UBTD1: variants seen among roughly 807,000 people sequenced by gnomAD.
UBTD1 encodes ubiquitin domain-containing protein 1.
A neutral mutation model predicts 21.7 loss-of-function variants in UBTD1; 19 were observed. That is an observed-to-expected ratio of 0.87 (90% CI 0.61 to 1.28). The LOEUF (loss-of-function observed/expected upper bound fraction) is 1.28, where lower values mean the gene tolerates loss of function less well. Among genes scored for constraint, UBTD1 ranks in the 50% most tolerant of loss-of-function variants. UBTD1 has a pLI of 0.00. For missense variants in UBTD1, 282 were observed against 315.1 expected (o/e 0.89, Z 0.80); for synonymous variants, 116 against 135.1 (o/e 0.86, Z 0.98).
intron 1 of UBTD1, among the ~76,000 whole-genome samples, chr10:97,526,534 C>T (rs2040489364): frequency 6.6e-6 from 1 of 152,164 alleles, no homozygotes; most frequent in South Asian, 2.1e-4. Context: ...ATGCAGCAGC[C>T]TCTTAACTGA....
chr10:97,568,428 T>A (rs1589885955), intron 2 of UBTD1, among the ~76,000 whole-genome samples: 1 of 152,184 alleles, frequency 6.6e-6, no homozygotes, highest in African/African-American at 2.4e-5. Flanking sequence ...TATTTTATTT[T>A]TTTTTTTGAG....
chr10:97,505,314 A>G (rs1272499475), intron 1 of UBTD1, among the ~76,000 whole-genome samples: 1 of 152,232 alleles, frequency 6.6e-6, no homozygotes, highest in African/African-American at 2.4e-5. Context: ...TGCAACCTAC[A>G]TAAAAACTGC....
intron 1 of UBTD1, among the ~76,000 whole-genome samples, chr10:97,505,886 G>A (rs1369018834): frequency 6.6e-6 from 1 of 152,170 alleles, no homozygotes; most frequent in Non-Finnish European, 1.5e-5. Flanking sequence ...CTAGATCATT[G>A]AAGCTTACTC....
chr10:97,522,044 G>C (rs1001489260), intron 1 of UBTD1, among the ~76,000 whole-genome samples: 7 of 152,196 alleles, frequency 4.6e-5, no homozygotes, highest in Non-Finnish European at 5.9e-5. Flanking sequence ...CTATAGATGG[G>C]AGCCCTTCCG....
At chr10:97,523,294 A>C (rs748691410) in intron 1 of UBTD1, among the ~76,000 whole-genome samples, 2 of 152,204 alleles carry the variant, frequency 1.3e-5, no homozygotes, top group African/African-American at 2.4e-5. Context: ...CAGGTCAACA[A>C]GGTGGCCATC....
intron 1 of UBTD1, among the ~76,000 whole-genome samples, chr10:97,505,818 A>C (rs923155401): frequency 6.6e-6 from 1 of 152,184 alleles, no homozygotes; most frequent in Non-Finnish European, 1.5e-5. Flanking sequence ...GAAAGTTTCT[A>C]TTATTCCAAG....
At chr10:97,529,565 C>T (rs1165366501) in intron 1 of UBTD1, among the ~76,000 whole-genome samples, 2 of 150,920 alleles carry the variant, frequency 1.3e-5, no homozygotes, top group African/African-American at 4.9e-5. Context: ...AGCTGGAGAC[C>T]AGCCCGGCCA....
intron 1 of UBTD1, among the ~76,000 whole-genome samples, chr10:97,536,932 A>G (rs2040565334): frequency 6.6e-6 from 1 of 152,080 alleles, no homozygotes; most frequent in African/African-American, 2.4e-5. Flanking sequence ...GGGAGAGACC[A>G]GGGCCCTCCC....
At chr10:97,527,701 G>A (rs568532158) in intron 1 of UBTD1, among the ~76,000 whole-genome samples, 2,847 of 152,030 alleles carry the variant, frequency 0.019, 101 homozygotes, top group African/African-American at 0.065. Context: ...AGCACATCTT[G>A]CACCACCCTT....
intron 1 of UBTD1, among the ~76,000 whole-genome samples, chr10:97,512,515 A>C (rs2040427217): frequency 6.6e-6 from 1 of 152,212 alleles, no homozygotes; most frequent in East Asian, 1.9e-4. Context: ...ATAAGGCCCA[A>C]ATGACATTTC....
intron 1 of UBTD1, among the ~76,000 whole-genome samples, chr10:97,556,465 G>A (rs915193951): frequency 6.6e-6 from 1 of 152,206 alleles, no homozygotes; most frequent in Admixed American, 6.5e-5. Context: ...GGTTTTATTA[G>A]TAATAATTTC....
intron 1 of UBTD1, among the ~76,000 whole-genome samples, chr10:97,529,718 A>G (rs1008226813): frequency 6.7e-6 from 1 of 148,552 alleles, no homozygotes; most frequent in African/African-American, 2.4e-5. Flanking sequence ...TCGGCTCGGC[A>G]TGAGAGGGAG....
intron 1 of UBTD1, among the ~76,000 whole-genome samples, chr10:97,525,023 C>T (rs2040482147): frequency 6.6e-6 from 1 of 152,196 alleles, no homozygotes; most frequent in African/African-American, 2.4e-5. Context: ...CTAACAGCCT[C>T]ACTACAGAAG....
At chr10:97,523,832 C>T (rs1339042453) in intron 1 of UBTD1, among the ~76,000 whole-genome samples, 3 of 152,006 alleles carry the variant, frequency 2.0e-5, no homozygotes, top group African/African-American at 4.8e-5. Context: ...TCTGTGGCCT[C>T]GTGAGACTGC....
chr10:97,553,758 A>C (rs1242352413), intron 1 of UBTD1, among the ~76,000 whole-genome samples: 10 of 151,796 alleles, frequency 6.6e-5, no homozygotes, highest in Non-Finnish European at 1.2e-4. Flanking sequence ...GCTTACATTA[A>C]CCCTGCCTGC....
At chr10:97,546,284 G>T (rs912165248) in intron 1 of UBTD1, among the ~76,000 whole-genome samples, 1 of 152,036 alleles carries the variant, frequency 6.6e-6, no homozygotes, top group Admixed American at 6.6e-5. Flanking sequence ...GCCTAGGTGT[G>T]TGTTTCTGTC....
In UBTD1 at chr10:97,524,074, G is replaced by A. The variant is rs116814862; in HGVS notation, c.70+24801G>A. On this transcript the variant is annotated intron_variant, in intron 1 of 2. Coordinates refer to ENST00000370664, the MANE Select transcript of UBTD1 (RefSeq NM_024954.5). ...GGCTTTTAAACCTGCCATGGGCTCC[G>A]AGGCTGCCCTCCCACCCTGATCACA... Among the ~76,000 whole-genome samples, 855 of 152,214 alleles carry A rather than the reference G, an allele frequency of 5.6e-3. 11 individuals carry two copies. Among genetic ancestry groups the A allele is most frequent in the African/African-American group, 0.02 (812 of 41,518 alleles).
chr10:97,539,141 G>A (rs929369358), intron 1 of UBTD1, among the ~76,000 whole-genome samples: 3 of 152,144 alleles, frequency 2.0e-5, no homozygotes, highest in African/African-American at 7.2e-5. Context: ...CCTGGGATGG[G>A]CAGTTGTCAG....
At chr10:97,553,788 C>G (rs1201295201) in intron 1 of UBTD1, among the ~76,000 whole-genome samples, 1 of 152,182 alleles carries the variant, frequency 6.6e-6, no homozygotes, top group African/African-American at 2.4e-5. Context: ...CTCACCAGCC[C>G]ATTGTAAGAT....
Sources: allele counts gnomAD v4.1 joint callset (sites outside exome capture counted in the v4.1 genomes callset), GRCh38; gene constraint gnomAD v4.1.1; transcripts MANE v1.5; gene names NCBI Gene and HGNC (gene_info 2026-07-23, HGNC 2026-07-21).